GOLGA4: variants seen among roughly 807,000 people sequenced by gnomAD.
GOLGA4 encodes the protein golgin subfamily A member 4.
GOLGA4 carries 169 observed loss-of-function variants against 265.9 expected under a neutral mutation model. The ratio of observed to expected loss-of-function variants is 0.64; its 90% CI spans 0.56 to 0.72. The LOEUF (loss-of-function observed/expected upper bound fraction) is 0.72. Among genes scored for constraint, GOLGA4 ranks in the 30% least tolerant of loss-of-function variants. The pLI is 0.00. For missense variants in GOLGA4, 2,482 were observed against 2,483.4 expected (o/e 1.00, Z 0.01); for synonymous variants, 923 against 855.8 (o/e 1.08, Z -1.37).
At chr3:37,307,108 C>T (rs1301865939) in intron 10 of GOLGA4, among the ~76,000 whole-genome samples, 2 of 152,114 alleles carry the variant, frequency 1.3e-5, no homozygotes, top group Non-Finnish European at 2.9e-5. Flanking sequence ...AGTATAGTAA[C>T]TTTTGTAAAC....
rs1450565581 is a variant in GOLGA4 at position 37,315,584 on chromosome 3, G to A, written c.1399G>A (p.Val467Ile). ...ATTAAGTCGGGTGAAACAGGAGGTTGTTGATGTAATGAAAGTAAGAATAAT... is the reference window on the plus strand; with the variant it reads ...ATTAAGTCGGGTGAAACAGGAGGTTATTGATGTAATGAAAGTAAGAATAAT... ...QELSRVKQEV[V>I]DVMKKSSEEQ... Residue 467 changes from valine to isoleucine, a missense_variant, in exon 11 of 24, where the codon GTT (valine) becomes ATT (isoleucine). Physicochemically the swap from Val to Ile is conservative, Grantham distance 29. Around this residue, in one of 3 missense-constraint regions of GOLGA4, gnomAD observed 1,536 missense variants for 1,483.7 expected, o/e 1.04. Coordinates refer to ENST00000361924, the MANE Select transcript of GOLGA4 (RefSeq NM_002078.5). The A allele has an allele frequency of 6.2e-7, 1 of 1,612,688 alleles. No homozygotes were observed. The highest frequency in any genetic ancestry group is 1.7e-5 in the Admixed American group (1 of 59,908).
intron 1 of GOLGA4, among the ~76,000 whole-genome samples, chr3:37,246,767 T>C (rs994892294): frequency 6.6e-6 from 1 of 152,222 alleles, no homozygotes; most frequent in African/African-American, 2.4e-5. Flanking sequence ...TGGTAAATTT[T>C]ATGTTATGTA....
In GOLGA4 at chr3:37,355,161, T is replaced by C. The variant is rs200596366; in HGVS notation, c.6637T>C (p.Leu2213=). Residue 2213 remains leucine (L), a synonymous_variant, in exon 22 of 24, where the codon TTG becomes CTG. Coordinates refer to ENST00000361924, the MANE Select transcript of GOLGA4 (RefSeq NM_002078.5). ...KFPDDQTQKI[L]EREDARLMFT... is the part of the protein sequence containing the mutation. ...CCCTGATGATCAGACTCAGAAAATTTTGGAAAGAGAAGATGCTCGGCTGAT... is the reference window on the plus strand; with the variant it reads ...CCCTGATGATCAGACTCAGAAAATTCTGGAAAGAGAAGATGCTCGGCTGAT... 6.2e-7 allele frequency: 1 copy of C among 1,605,348 alleles called. No individual in the cohort carries two copies. The highest frequency in any genetic ancestry group is 8.5e-7 in the Non-Finnish European group (1 of 1,172,296).
intron 9 of GOLGA4, among the ~76,000 whole-genome samples, chr3:37,300,684 T>G (rs1444980458): frequency 2.6e-5 from 4 of 152,120 alleles, no homozygotes. Flanking sequence ...ATTTTATCAT[T>G]TTTTTCCAAA....
At position 37,243,368 on chromosome 3, in the gene GOLGA4, C is replaced by T. The variant is rs2096707979; in HGVS notation, c.-183C>T. 6 of 582,030 alleles carry T rather than the reference C, an allele frequency of 1.0e-5. No individual in the cohort carries two copies. The highest frequency in any genetic ancestry group is 1.8e-5 in the Non-Finnish European group (6 of 324,330). 36.1% of individuals were successfully genotyped at this position (582,030 alleles called of 1,614,324 possible). A position where few individuals can be genotyped will look rare whatever the true frequency, so the allele number is the denominator to read the frequency against. On this transcript the variant is annotated 5_prime_UTR_variant, in exon 1 of 24. Coordinates refer to ENST00000361924, the MANE Select transcript of GOLGA4 (RefSeq NM_002078.5). ...CACCCGGAAGAAAGAGACGCGGCGGCGGCGACGCCGACACCCTCAGGACGA... is the reference window on the plus strand; with the variant it reads ...CACCCGGAAGAAAGAGACGCGGCGGTGGCGACGCCGACACCCTCAGGACGA...
rs1182407656 is a variant in GOLGA4 at position 37,355,130 on chromosome 3, G to C, written c.6606G>C (p.Leu2202=). 6.2e-7 allele frequency: 1 copy of C among 1,607,962 alleles called. No individual in the cohort carries two copies. Among genetic ancestry groups the C allele is most frequent in the Non-Finnish European group, 8.5e-7 (1 of 1,174,724 alleles). The part of the protein sequence containing the change: ...KTMAKVITTV[L]KFPDDQTQKI... ...TGGCAAAAGTTATAACCACCGTACT[G>C]AAGTTCCCTGATGATCAGACTCAGA... Residue 2202 remains leucine, a synonymous_variant, in exon 22 of 24, where the codon CTG becomes CTC. Coordinates refer to ENST00000361924, the MANE Select transcript of GOLGA4 (RefSeq NM_002078.5).
chr3:37,352,165 G>T (rs1185371370), intron 21 of GOLGA4, among the ~76,000 whole-genome samples: 2 of 152,006 alleles, frequency 1.3e-5, no homozygotes, highest in African/African-American at 2.4e-5. Flanking sequence ...TCTCACGGCT[G>T]CTAATAAAGA....
At position 37,251,408 on chromosome 3, in the gene GOLGA4, C is replaced by G. The variant is rs765556203; in HGVS notation, c.86C>G (p.Ser29Cys). ...ALAPAQASSN[S>C]STPTRMRSRT... ...TTTTAAATCTAGGCGTCCTCCAATT[C>G]TTCAACACCAACAAGAATGAGGAGC... Residue 29 changes from serine (S) to cysteine (C), a missense_variant, in exon 2 of 24, where the codon TCT becomes TGT. Physicochemically the swap from Ser to Cys is moderately radical, Grantham distance 112. Transcript: ENST00000361924. 6.2e-7 allele frequency: 1 copy of G among 1,610,856 alleles called. No homozygotes were observed.
chr3:37,361,022 G>A (rs1220188334), intron 22 of GOLGA4, among the ~76,000 whole-genome samples: 1 of 152,116 alleles, frequency 6.6e-6, no homozygotes, highest in Non-Finnish European at 1.5e-5. Flanking sequence ...AATGAAAGTT[G>A]CAAGTAAAAT....
chr3:37,257,761 T>G (rs925425661), intron 2 of GOLGA4, among the ~76,000 whole-genome samples: 1 of 151,328 alleles, frequency 6.6e-6, no homozygotes. Context: ...GTTTGCTGTC[T>G]TCCTGAGACA....
intron 23 of GOLGA4, among the ~76,000 whole-genome samples, chr3:37,365,155 A>C (rs980152223): frequency 8.5e-5 from 13 of 152,150 alleles, no homozygotes; most frequent in Admixed American, 5.2e-4. Flanking sequence ...GATGAGACAT[A>C]AATTTCCACA....
Position 37,298,932 on chromosome 3 carries a change from A to G in GOLGA4, c.914A>G (p.His305Arg), listed in dbSNP as rs1578570915. The change falls in exon 8 of 24, where the codon CAT (histidine) becomes CGT (arginine). Residue 305 changes from histidine (H) to arginine (R), a missense_variant. Transcript: ENST00000361924. ...LKRCKETIQS[H>R]KEQCTLLTSE... ...CGTTGTAAGGAAACAATTCAGTCAC[A>G]TAAGGAACAATGTACACTATTAACT... 3 of 1,613,344 alleles carry G rather than the reference A, an allele frequency of 1.9e-6. No individual in the cohort carries two copies. Among genetic ancestry groups the G allele is most frequent in the Non-Finnish European group, 2.5e-6 (3 of 1,179,286 alleles).
chr3:37,255,562 A>G (rs1185685014), intron 2 of GOLGA4, among the ~76,000 whole-genome samples: 1 of 152,156 alleles, frequency 6.6e-6, no homozygotes, highest in African/African-American at 2.4e-5. Context: ...AAGTAGACAT[A>G]TTAGTATTTT....
At chr3:37,343,247 G>A (rs1302898523) in intron 20 of GOLGA4, among the ~76,000 whole-genome samples, 1 of 152,274 alleles carries the variant, frequency 6.6e-6, no homozygotes, top group Admixed American at 6.5e-5. Context: ...TCAGCCTCCC[G>A]AGTAGCTGGG....
At chr3:37,299,879 C>T (rs1370843084) in intron 9 of GOLGA4, among the ~76,000 whole-genome samples, 6 of 148,132 alleles carry the variant, frequency 4.1e-5, no homozygotes, top group East Asian at 3.9e-4. Context: ...GCAAGACCTC[C>T]TCTCTACAAA....
rs148519799 is a variant in GOLGA4, at chr3:37,324,797, A to C, written c.2911A>C (p.Lys971Gln). 5.4e-5 allele frequency: 86 copies of C among 1,585,506 alleles called. No individual in the cohort carries two copies. The African/African-American group carries it at 1.0e-3, about 19-fold the overall frequency. Residue 971 changes from lysine (K) to glutamine (Q), a missense_variant, in exon 14 of 24, where the codon AAG (lysine) becomes CAG (glutamine). Physicochemically the swap from Lys to Gln is moderately conservative, Grantham distance 53. Transcript: ENST00000361924. ...AGCAAAGGAGATGCAAGAAACGTTA[A>C]AGAAAAAATTACTGGATCAGGAAGC... is the stretch of plus-strand genomic sequence containing the variant. ...QKAKEMQETL[K>Q]KKLLDQEAKL...
At chr3:37,266,574 A>G (rs1379451164) in intron 2 of GOLGA4, among the ~76,000 whole-genome samples, 1 of 152,124 alleles carries the variant, frequency 6.6e-6, no homozygotes, top group Non-Finnish European at 1.5e-5. Flanking sequence ...CCTATTGCCT[A>G]TATCATTTGT....
chr3:37,361,615 T>A (rs1696278983), intron 23 of GOLGA4, among the ~76,000 whole-genome samples: 1 of 152,220 alleles, frequency 6.6e-6, no homozygotes, highest in Non-Finnish European at 1.5e-5. Context: ...TCCCTTTTGT[T>A]TTTAATTTTC....
In GOLGA4 at chr3:37,326,881, G is replaced by A. The variant is rs758259283; in HGVS notation, c.4995G>A (p.Gln1665=). The part of the protein sequence containing the change: ...LLSQMEEKEE[Q]YKKGTESHLS... ...CTCAAATGGAAGAGAAAGAAGAACA[G>A]TATAAAAAAGGTACAGAAAGCCATT... Residue 1665 remains glutamine (Q), a synonymous_variant, in exon 14 of 24, where the codon CAG becomes CAA. Coordinates refer to ENST00000361924, the MANE Select transcript of GOLGA4 (RefSeq NM_002078.5). 3.7e-6 allele frequency: 6 copies of A among 1,613,656 alleles called. No homozygotes were observed. In the African/African-American group the frequency reaches 6.7e-5, roughly 18 times the overall value.
Sources: allele counts gnomAD v4.1 joint callset (sites outside exome capture counted in the v4.1 genomes callset), GRCh38; gene constraint gnomAD v4.1.1; regional missense constraint gnomAD v4.1.1; transcripts MANE v1.5; gene names NCBI Gene and HGNC (gene_info 2026-07-23, HGNC 2026-07-21).